Variants in ZFP41 observed in about 807,000 individuals in gnomAD.
ZFP41 encodes the protein ZFP41 zinc finger protein.
ZFP41 carries 10 observed loss-of-function variants against 11.6 expected under a neutral mutation model. That is an observed-to-expected ratio of 0.86 (90% CI 0.53 to 1.47). The LOEUF is 1.47. Ranked by LOEUF, ZFP41 falls within the 40% of genes most tolerant of loss-of-function variation. The pLI, the probability that ZFP41 is intolerant of heterozygous loss-of-function variation, is 0.00. For missense variants in ZFP41, 302 were observed against 264.6 expected (o/e 1.14, Z -0.98); for synonymous variants, 123 against 100.9 (o/e 1.22, Z -1.31).
Position 143,261,763 on chromosome 8 carries a change from C to G in ZFP41, c.*2889C>G, listed in dbSNP as rs924994141. On this transcript the variant is annotated 3_prime_UTR_variant, in exon 3 of 3. Coordinates refer to ENST00000330701, the MANE Select transcript of ZFP41 (RefSeq NM_173832.6). ...TCTGAGCCGGCAGCCCCTACCCGCACCCGTGCACCTTCCACGCCCGTCTCC... is the reference window on the plus strand; with the variant it reads ...TCTGAGCCGGCAGCCCCTACCCGCAGCCGTGCACCTTCCACGCCCGTCTCC... 3 of 207,724 alleles carry G rather than the reference C, an allele frequency of 1.4e-5. No homozygotes were observed. The highest frequency in any genetic ancestry group is 4.8e-5 in the African/African-American group (2 of 41,660). 12.9% of individuals were successfully genotyped at this position (207,724 alleles called of 1,614,324 possible). A position where few individuals can be genotyped will look rare whatever the true frequency, so the allele number is the denominator to read the frequency against.
chr8:143,247,213 C>T lies in ZFP41; in HGVS notation c.-155+71C>T, dbSNP rs1318930123. 2.0e-5 allele frequency: 3 copies of T among 152,950 alleles called. No homozygotes were observed. The East Asian group carries it at 5.8e-4, about 29-fold the overall frequency. 9.5% of individuals were successfully genotyped at this position (152,950 alleles called of 1,614,324 possible). Reference sequence around the variant, plus strand: ...GCGTCGGTATGGGCCCCGCCGCCTCCCCGCACCCCGGCGCTCCAGGGATGT... The same window carrying T: ...GCGTCGGTATGGGCCCCGCCGCCTCTCCGCACCCCGGCGCTCCAGGGATGT... On this transcript the variant is annotated intron_variant, in intron 1 of 2. Transcript: ENST00000330701.
At chr8:143,254,254 C>T (rs1053374923) in intron 2 of ZFP41, among the ~76,000 whole-genome samples, 16 of 152,358 alleles carry the variant, frequency 1.1e-4, no homozygotes, top group Non-Finnish European at 1.3e-4. Context: ...ACGTAAACCT[C>T]GTTACAAAAA....
At position 143,250,635 on chromosome 8, in the gene ZFP41, G is replaced by C; in HGVS notation, c.*195G>C. 1 of 843,790 alleles carries C rather than the reference G, an allele frequency of 1.2e-6. No homozygotes were observed. The highest frequency in any genetic ancestry group is 2.7e-5 in the East Asian group (1 of 37,022). 52.3% of individuals were successfully genotyped at this position (843,790 alleles called of 1,614,324 possible). On this transcript the variant is annotated 3_prime_UTR_variant, in exon 2 of 3. Transcript: ENST00000330701. ...GAGGGAGAGACCTTTCCACTGCAGA[G>C]AGTCTCTCTGATCAAGACACCGCAG...
chr8:143,252,153 G>A (rs536532107), intron 2 of ZFP41, among the ~76,000 whole-genome samples: 29 of 152,346 alleles, frequency 1.9e-4, no homozygotes, highest in Admixed American at 9.1e-4. Context: ...GTAAATCCCA[G>A]AACCACACTG....
In ZFP41 at chr8:143,247,002, C is replaced by G. The variant is rs1816704553; in HGVS notation, c.-295C>G. 1 of 152,488 alleles carries G rather than the reference C, an allele frequency of 6.6e-6. No homozygotes were observed. The highest frequency in any genetic ancestry group is 2.1e-4 in the South Asian group (1 of 4,862). 9.4% of individuals were successfully genotyped at this position (152,488 alleles called of 1,614,324 possible). On this transcript the variant is annotated 5_prime_UTR_variant, in exon 1 of 3. Coordinates refer to ENST00000330701, the MANE Select transcript of ZFP41 (RefSeq NM_173832.6). Reference sequence around the variant, plus strand: ...ACTGGTGGGGAGCTGTTGGGGGGTCCCGCATCTAGGGCTCTCCTTTCCTGC... The same window carrying G: ...ACTGGTGGGGAGCTGTTGGGGGGTCGCGCATCTAGGGCTCTCCTTTCCTGC...
chr8:143,251,592 A>C (rs1814758526), intron 2 of ZFP41, among the ~76,000 whole-genome samples: 1 of 152,154 alleles, frequency 6.6e-6, no homozygotes, highest in African/African-American at 2.4e-5. Context: ...GTCTTTGGGG[A>C]TTCTGTCCTG....
chr8:143,261,093 T>C lies in ZFP41; in HGVS notation c.*2219T>C, dbSNP rs2129638579. 6.6e-6 allele frequency: 1 copy of C among 152,400 alleles called. No homozygotes were observed. The highest frequency in any genetic ancestry group is 1.9e-4 in the East Asian group (1 of 5,180). 9.4% of individuals were successfully genotyped at this position (152,400 alleles called of 1,614,324 possible). A position where few individuals can be genotyped will look rare whatever the true frequency, so the allele number is the denominator to read the frequency against. ...AGCCCTCCTTGTCTGGGCCTCTGTTTCCTCTTCGACACAGGGAAGCAGGGA... is the reference window on the plus strand; with the variant it reads ...AGCCCTCCTTGTCTGGGCCTCTGTTCCCTCTTCGACACAGGGAAGCAGGGA... On this transcript the variant is annotated 3_prime_UTR_variant, in exon 3 of 3. Coordinates refer to ENST00000330701, the MANE Select transcript of ZFP41 (RefSeq NM_173832.6).
rs1563723880 is a variant in ZFP41 at position 143,246,963 on chromosome 8, AC to A, written c.-333del. 1 of 152,336 alleles carries A rather than the reference AC, an allele frequency of 6.6e-6. No homozygotes were observed. The highest frequency in any genetic ancestry group is 6.5e-5 in the Admixed American group (1 of 15,290). The allele number at this position is 152,336 out of a possible 1,614,324, so 9.4% of individuals were successfully genotyped here. A position where few individuals can be genotyped will look rare whatever the true frequency, so the allele number is the denominator to read the frequency against. On this transcript the variant is annotated 5_prime_UTR_variant, in exon 1 of 3. Coordinates refer to ENST00000330701, the MANE Select transcript of ZFP41 (RefSeq NM_173832.6). ...CATTTCCTGCCGGTGCCTAGGGCCG[AC>A]GGGGACGCTGGCACTGGTGGGGAGC...
intron 2 of ZFP41, among the ~76,000 whole-genome samples, chr8:143,252,101 C>G (rs1043009089): frequency 6.6e-6 from 1 of 152,238 alleles, no homozygotes; most frequent in African/African-American, 2.4e-5. Flanking sequence ...TCCCCTTCCC[C>G]GCAGAAATAG....
Position 143,249,997 on chromosome 8 carries a change from C to G in ZFP41, c.154C>G (p.Leu52Val), listed in dbSNP as rs758995768. ...VPRKPRTEPCLSPEDEEHVFD... is the reference protein window; with the variant it reads ...VPRKPRTEPCVSPEDEEHVFD... ...CAGGAAGCCCCGCACAGAGCCCTGC[C>G]TGAGTCCTGAAGACGAAGAGCACGT... The change falls in exon 2 of 3, where the codon CTG (leucine) becomes GTG (valine). Residue 52 changes from leucine to valine, a missense_variant. By Grantham distance (32) the Leu-to-Val change is conservative. Transcript: ENST00000330701. 26 of 1,614,172 alleles carry G rather than the reference C, an allele frequency of 1.6e-5. No homozygotes were observed. The highest frequency in any genetic ancestry group is 2.2e-5 in the Non-Finnish European group (26 of 1,180,042).
chr8:143,249,600 A>G, intron 1 of ZFP41, 90 bp from the exon 2 acceptor site: 1 of 483,158 alleles, frequency 2.1e-6, no homozygotes, highest in Non-Finnish European at 3.5e-6. Flanking sequence ...TCTTGGGGGA[A>G]CACATGGGAA....
rs1276350137 is a variant in ZFP41 at position 143,259,801 on chromosome 8, C to T, written c.*927C>T. On this transcript the variant is annotated 3_prime_UTR_variant, in exon 3 of 3. Coordinates refer to ENST00000330701, the MANE Select transcript of ZFP41 (RefSeq NM_173832.6). ...CTGGTAGAGCAGATCACCCCCAAAG[C>T]AAGAAGTTCCAGATGAAATATGCAT... 1 of 152,286 alleles carries T rather than the reference C, an allele frequency of 6.6e-6. No homozygotes were observed. Among genetic ancestry groups the T allele is most frequent in the South Asian group, 2.1e-4 (1 of 4,846 alleles). The allele number at this position is 152,286 out of a possible 1,614,324, so 9.4% of individuals were successfully genotyped here.
Position 143,260,620 on chromosome 8 carries a change from T to C in ZFP41, c.*1746T>C. 1 of 185,584 alleles carries C rather than the reference T, an allele frequency of 5.4e-6. No individual in the cohort carries two copies. The highest frequency in any genetic ancestry group is 7.2e-5 in the South Asian group (1 of 13,982). The allele number at this position is 185,584 out of a possible 1,614,324, so 11.5% of individuals were successfully genotyped here. On this transcript the variant is annotated 3_prime_UTR_variant, in exon 3 of 3. Coordinates refer to ENST00000330701, the MANE Select transcript of ZFP41 (RefSeq NM_173832.6). Reference sequence around the variant, plus strand: ...CTGGACAGCACCTCCTGGGCCGCCCTGACCAGCAGACACCATCCTTCCAGC... The same window carrying C: ...CTGGACAGCACCTCCTGGGCCGCCCCGACCAGCAGACACCATCCTTCCAGC...
At position 143,250,580 on chromosome 8, in the gene ZFP41, C is replaced by T; in HGVS notation, c.*140C>T. 2 of 1,379,534 alleles carry T rather than the reference C, an allele frequency of 1.4e-6. No homozygotes were observed. The highest frequency in any genetic ancestry group is 2.0e-6 in the Non-Finnish European group (2 of 1,024,724). 85.5% of individuals were successfully genotyped at this position (1,379,534 alleles called of 1,614,324 possible). A position where few individuals can be genotyped will look rare whatever the true frequency, so the allele number is the denominator to read the frequency against. ...CGTGCCCTGGGGACCCCCGGAAAAG[C>T]AGCCCAGTCAGATGTGGGAACGTGC... On this transcript the variant is annotated 3_prime_UTR_variant, in exon 2 of 3. Transcript: ENST00000330701.
At chr8:143,249,557 C>T in intron 1 of ZFP41, 133 bp from the exon 2 acceptor site, 1 of 335,224 alleles carries the variant, frequency 3.0e-6, no homozygotes, top group Non-Finnish European at 5.4e-6. Flanking sequence ...TCAGGTGGGG[C>T]TCCGGGGAGA....
In ZFP41 at chr8:143,250,390, A is replaced by G. The variant is rs1189835293; in HGVS notation, c.547A>G (p.Ser183Gly). The stretch of plus-strand genomic sequence containing the variant: ...GCACTGTGGGAAAGCCTTTGCCTAC[A>G]GCTCCTGTCTCATCCGCCATCAGAA... Reference protein sequence around the residue: ...CTHCGKAFAYSSCLIRHQKRH... With the variant: ...CTHCGKAFAYGSCLIRHQKRH... The change falls in exon 2 of 3, where the codon AGC becomes GGC. Residue 183 changes from serine to glycine, a missense_variant. Transcript: ENST00000330701. 1 of 1,613,716 alleles carries G rather than the reference A, an allele frequency of 6.2e-7. No homozygotes were observed. The highest frequency in any genetic ancestry group is 8.5e-7 in the Non-Finnish European group (1 of 1,179,834).
At chr8:143,248,686 GCC>G (rs35251454) in intron 1 of ZFP41, among the ~76,000 whole-genome samples, 60,859 of 151,520 alleles carry the variant, frequency 0.4, 14,004 homozygotes, top group East Asian at 0.69. Context: ...GGGCACCAGG[GCC>G]CACCCCCTGC....
rs924331441 is a variant in ZFP41, at chr8:143,259,987, T to C, written c.*1113T>C. The C allele has an allele frequency of 6.0e-5, 9 of 150,370 alleles. No homozygotes were observed. Among genetic ancestry groups the C allele is most frequent in the African/African-American group, 2.3e-4 (9 of 39,766 alleles). 9.3% of individuals were successfully genotyped at this position (150,370 alleles called of 1,614,324 possible). A position where few individuals can be genotyped will look rare whatever the true frequency, so the allele number is the denominator to read the frequency against. ...CCAGGGAGTGCGGTGTGCGGCAGAG[T>C]GCGTGCAGGGAAGCAGCCTCTGAAA... On this transcript the variant is annotated 3_prime_UTR_variant, in exon 3 of 3. Transcript: ENST00000330701.
In ZFP41 at chr8:143,261,511, A is replaced by C. The variant is rs578127435; in HGVS notation, c.*2637A>C. The C allele has an allele frequency of 3.9e-5, 6 of 152,810 alleles. No individual in the cohort carries two copies. The highest frequency in any genetic ancestry group is 3.9e-4 in the Admixed American group (6 of 15,306). The allele number at this position is 152,810 out of a possible 1,614,324, so 9.5% of individuals were successfully genotyped here. A position where few individuals can be genotyped will look rare whatever the true frequency, so the allele number is the denominator to read the frequency against. On this transcript the variant is annotated 3_prime_UTR_variant, in exon 3 of 3. Transcript: ENST00000330701. Reference sequence around the variant, plus strand: ...GGGGCCGGCAGGGAGCCTCACGCTTACAGAGCCTGGTGTTGGCACTCTCCT... The same window carrying C: ...GGGGCCGGCAGGGAGCCTCACGCTTCCAGAGCCTGGTGTTGGCACTCTCCT...
Sources: allele counts gnomAD v4.1 joint callset (sites outside exome capture counted in the v4.1 genomes callset), GRCh38; gene constraint gnomAD v4.1.1; transcripts MANE v1.5; gene names NCBI Gene and HGNC (gene_info 2026-07-23, HGNC 2026-07-21).